Variants in PIK3CA observed in about 807,000 individuals in gnomAD.
The protein encoded by PIK3CA is phosphatidylinositol 4,5-bisphosphate 3-kinase catalytic subunit alpha isoform.
A neutral mutation model predicts 138.2 loss-of-function variants in PIK3CA; 27 were observed. The observed-to-expected ratio is 0.20, with a 90% confidence interval of 0.14 to 0.27. The LOEUF (loss-of-function observed/expected upper bound fraction) is 0.27. PIK3CA is among the 10% of genes least tolerant of loss of function. PIK3CA has a pLI of 1.00. For missense variants in PIK3CA, 544 were observed against 1,277.4 expected (o/e 0.43, Z 8.75); for synonymous variants, 358 against 413.2 (o/e 0.87, Z 1.62).
chr3:179,159,760 A>G (rs1723230428), intron 1 of PIK3CA, among the ~76,000 whole-genome samples: 1 of 152,238 alleles, frequency 6.6e-6, no homozygotes, highest in Non-Finnish European at 1.5e-5. Context: ...TGCAGACACC[A>G]CAGAGTGTAC....
At chr3:179,209,781 G>T (rs1245655560) in intron 7 of PIK3CA, 81 bp downstream of exon 7, 2 of 669,386 alleles carry the variant, frequency 3.0e-6, no homozygotes, top group Non-Finnish European at 4.9e-6. Flanking sequence ...TTCACAAATT[G>T]GATGTTATTT....
intron 4 of PIK3CA, 91 bp downstream of exon 4, chr3:179,201,631 G>A (rs555311465): frequency 3.0e-5 from 21 of 693,942 alleles, no homozygotes; most frequent in South Asian, 1.7e-4. Context: ...TTTTTGAGAC[G>A]GAATCTCACT....
At chr3:179,205,015 C>G (rs57299654) in intron 6 of PIK3CA, among the ~76,000 whole-genome samples, 1 of 100,222 alleles carries the variant, frequency 1.0e-5, no homozygotes, top group African/African-American at 4.1e-5. Context: ...AGCGAGACTC[C>G]GTCTCAAAAA....
At chr3:179,227,459 T>C (rs758409817) in intron 17 of PIK3CA, among the ~76,000 whole-genome samples, 16 of 152,158 alleles carry the variant, frequency 1.1e-4, no homozygotes, top group Non-Finnish European at 2.2e-4. Flanking sequence ...GAAAAGGTTG[T>C]GTAAGAGAAG....
chr3:179,222,495 A>G (rs984418374), intron 14 of PIK3CA, among the ~76,000 whole-genome samples: 4 of 152,234 alleles, frequency 2.6e-5, no homozygotes, highest in Non-Finnish European at 5.9e-5. Flanking sequence ...ATGTTCCTCA[A>G]CTTATAACAG....
At chr3:179,232,594 T>C (rs55863843) in intron 20 of PIK3CA, among the ~76,000 whole-genome samples, 3,574 of 152,278 alleles carry the variant, frequency 0.023, 60 homozygotes, top group African/African-American at 0.039. Context: ...AGACTCTTTT[T>C]GGTCGGTTTT....
chr3:179,207,557 T>G (rs1020814332), intron 6 of PIK3CA, among the ~76,000 whole-genome samples: 1 of 151,626 alleles, frequency 6.6e-6, no homozygotes, highest in Non-Finnish European at 1.5e-5. Flanking sequence ...TTCTTTTTTT[T>G]TTTTTTGGAG....
intron 6 of PIK3CA, among the ~76,000 whole-genome samples, chr3:179,207,665 G>A (rs1338494666): frequency 4.0e-5 from 6 of 151,276 alleles, no homozygotes; most frequent in South Asian, 2.1e-4. Context: ...AGTTACAGGC[G>A]CCCACCACCA....
intron 1 of PIK3CA, among the ~76,000 whole-genome samples, chr3:179,165,317 T>G (rs1560125168): frequency 6.6e-6 from 1 of 152,212 alleles, no homozygotes; most frequent in African/African-American, 2.4e-5. Context: ...CCCAGGAGAC[T>G]TGATAATGTG....
intron 9 of PIK3CA, among the ~76,000 whole-genome samples, chr3:179,215,717 G>T (rs1208378774): frequency 1.3e-5 from 2 of 152,066 alleles, no homozygotes; most frequent in African/African-American, 4.8e-5. Context: ...TGGTTGGTTG[G>T]TTTCTTTCAG....
chr3:179,207,371 T>G (rs1001788232), intron 6 of PIK3CA, among the ~76,000 whole-genome samples: 8 of 152,104 alleles, frequency 5.3e-5, no homozygotes, highest in African/African-American at 1.9e-4. Flanking sequence ...ATGGATGGAC[T>G]TTAGAAGAAA....
At position 179,180,185 on chromosome 3, in the gene PIK3CA, G is replaced by A. The variant is rs1723806380; in HGVS notation, c.-76-18565G>A. Reference sequence around the variant, plus strand: ...CAATTCTAGTGACACTGTAGATAATGAAGTGGGTGGGGAGAAATTGGATAC... The same window carrying A: ...CAATTCTAGTGACACTGTAGATAATAAAGTGGGTGGGGAGAAATTGGATAC... On this transcript the variant is annotated intron_variant, in intron 1 of 20. Coordinates refer to ENST00000263967, the MANE Select transcript of PIK3CA (RefSeq NM_006218.4). Among the ~76,000 whole-genome samples, 3 of 152,124 alleles carry A rather than the reference G, an allele frequency of 2.0e-5. No individual in the cohort carries two copies. The South Asian group carries it at 6.2e-4, about 32-fold the overall frequency.
Position 179,226,054 on chromosome 3 carries a change from A to G in PIK3CA, c.2495+14A>G, listed in dbSNP as rs772541256. The G allele has an allele frequency of 7.0e-7, 1 of 1,422,654 alleles. No individual in the cohort carries two copies. The highest frequency in any genetic ancestry group is 9.9e-7 in the Non-Finnish European group (1 of 1,007,142). The allele number at this position is 1,422,654 out of a possible 1,614,324, so 88.1% of individuals were successfully genotyped here. A position where few individuals can be genotyped will look rare whatever the true frequency, so the allele number is the denominator to read the frequency against. Reference sequence around the variant, plus strand: ...TCTTGATCTTCGGTAGGTAACCAGTAAGGCAACCTGTATGTTGAAAGTTAT... The same window carrying G: ...TCTTGATCTTCGGTAGGTAACCAGTGAGGCAACCTGTATGTTGAAAGTTAT... On this transcript the variant is annotated intron_variant, in intron 17 of 20. Transcript: ENST00000263967.
chr3:179,231,985 G>C (rs1433887590), intron 20 of PIK3CA, among the ~76,000 whole-genome samples: 1 of 152,066 alleles, frequency 6.6e-6, no homozygotes. Flanking sequence ...TTGCTGATTT[G>C]AGTTCCTTAT....
At chr3:179,201,642 C>G (rs1161002434) in intron 4 of PIK3CA, 102 bp downstream of exon 4, 3 of 766,344 alleles carry the variant, frequency 3.9e-6, no homozygotes, top group African/African-American at 2.0e-5. Flanking sequence ...GAATCTCACT[C>G]TCGCCCAGGC....
chr3:179,225,573 ATTG>A (rs567027673), intron 16 of PIK3CA, among the ~76,000 whole-genome samples: 143 of 152,280 alleles, frequency 9.4e-4, no homozygotes, highest in Admixed American at 2.2e-3. Context: ...CTTATCCTAC[ATTG>A]TTATTCAAAT....
At chr3:179,193,206 C>G (rs548934945) in intron 1 of PIK3CA, among the ~76,000 whole-genome samples, 1 of 152,244 alleles carries the variant, frequency 6.6e-6, no homozygotes, top group African/African-American at 2.4e-5. Flanking sequence ...TAACTTTTAA[C>G]AGTAATTTTA....
intron 17 of PIK3CA, 93 bp from the exon 18 acceptor site, chr3:179,229,179 T>C: frequency 1.0e-6 from 1 of 989,612 alleles, no homozygotes; most frequent in Non-Finnish European, 1.5e-6. Flanking sequence ...GCATGACAAA[T>C]TTACTAATAA....
At position 179,234,575 on chromosome 3, in the gene PIK3CA, A is replaced by G. The variant is rs1725291042; in HGVS notation, c.*211A>G. The G allele has an allele frequency of 2.6e-6, 1 of 383,734 alleles. No homozygotes were observed. Among genetic ancestry groups the G allele is most frequent in the South Asian group, 1.3e-4 (1 of 7,694 alleles). The allele number at this position is 383,734 out of a possible 1,614,324, so 23.8% of individuals were successfully genotyped here. ...CTTAAACTAGTTCATTTCAAAATTA[A>G]GCTTTAGAATAATGCGCAATTTCAT... On this transcript the variant is annotated 3_prime_UTR_variant, in exon 21 of 21. Coordinates refer to ENST00000263967, the MANE Select transcript of PIK3CA (RefSeq NM_006218.4). The surrounding 1 kb of genome is among the most constrained non-coding windows in gnomAD (Gnocchi z 5.1).
Sources: allele counts gnomAD v4.1 joint callset (sites outside exome capture counted in the v4.1 genomes callset), GRCh38; gene constraint gnomAD v4.1.1; non-coding constraint Gnocchi (gnomAD v3.1); transcripts MANE v1.5; gene names NCBI Gene and HGNC (gene_info 2026-07-23, HGNC 2026-07-21).